The following FSHR variants were observed in gnomAD, a reference collection of about 807,000 sequenced individuals.
The protein encoded by FSHR is follicle-stimulating hormone receptor.
FSHR carries 46 observed loss-of-function variants against 52.1 expected under a neutral mutation model. The observed-to-expected ratio is 0.88, with a 90% CI of 0.70 to 1.13. FSHR has a LOEUF of 1.13. FSHR is among the 50% of genes most tolerant of loss of function. FSHR has a pLI of 0.00. For synonymous variants in FSHR, 399 were observed against 309.6 expected (o/e 1.29, Z -3.03); for missense variants, 964 against 834.6 (o/e 1.16, Z -1.91).
At chr2:49,129,965 C>A (rs982903248) in intron 1 of FSHR, among the ~76,000 whole-genome samples, 1 of 152,068 alleles carries the variant, frequency 6.6e-6, no homozygotes, top group Admixed American at 6.6e-5. Context: ...TCTCAATTTC[C>A]TTAACATGTT....
intron 1 of FSHR, among the ~76,000 whole-genome samples, chr2:49,083,310 C>T (rs1016743823): frequency 6.7e-6 from 1 of 148,782 alleles, no homozygotes; most frequent in African/African-American, 2.5e-5. Flanking sequence ...GATTTTGTCA[C>T]CACCAGGCCT....
At chr2:49,075,129 T>C (rs1669900091) in intron 1 of FSHR, among the ~76,000 whole-genome samples, 2 of 152,206 alleles carry the variant, frequency 1.3e-5, no homozygotes, top group South Asian at 4.1e-4. Flanking sequence ...TCTATATCAC[T>C]GTAGGATGAC....
chr2:49,137,122 T>TA (rs1434366057), intron 1 of FSHR, among the ~76,000 whole-genome samples: 1 of 152,180 alleles, frequency 6.6e-6, no homozygotes, highest in Non-Finnish European at 1.5e-5. Context: ...TGGAATCCAC[T>TA]AAAAAATTAT....
At chr2:49,103,985 T>TTTA (rs879696775) in intron 1 of FSHR, among the ~76,000 whole-genome samples, 1 of 151,818 alleles carries the variant, frequency 6.6e-6, no homozygotes, top group East Asian at 1.9e-4. Context: ...TTTTTTTTTT[T>TTTA]ATCCTCTAAA....
intron 2 of FSHR, among the ~76,000 whole-genome samples, chr2:49,063,911 A>G (rs567789485): frequency 6.6e-6 from 1 of 152,288 alleles, no homozygotes; most frequent in South Asian, 2.1e-4. Context: ...CAATGTATAT[A>G]TGTATCAAAA....
At chr2:48,991,595 G>A (rs1024652924) in intron 4 of FSHR, among the ~76,000 whole-genome samples, 1 of 152,172 alleles carries the variant, frequency 6.6e-6, no homozygotes, top group Non-Finnish European at 1.5e-5. Context: ...TGCCCAAGAA[G>A]CCCCAGAGTA....
intron 1 of FSHR, among the ~76,000 whole-genome samples, chr2:49,137,948 T>C (rs776199932): frequency 2.6e-5 from 4 of 152,152 alleles, no homozygotes; most frequent in Non-Finnish European, 4.4e-5. Context: ...AAAAATACTT[T>C]GAATGTTATC....
chr2:48,965,273 G>C (rs1573014995), intron 9 of FSHR, among the ~76,000 whole-genome samples: 2 of 152,224 alleles, frequency 1.3e-5, no homozygotes, highest in Admixed American at 1.3e-4. Context: ...GGATGAGAAG[G>C]GTCTGTTAGG....
chr2:49,003,514 T>C (rs923007151), intron 4 of FSHR, among the ~76,000 whole-genome samples: 3 of 152,116 alleles, frequency 2.0e-5, no homozygotes, highest in South Asian at 4.1e-4. Flanking sequence ...AATCAAGAGT[T>C]TGGGGGCAGC....
chr2:49,004,812 G>A (rs1423574250), intron 4 of FSHR, among the ~76,000 whole-genome samples: 1 of 152,076 alleles, frequency 6.6e-6, no homozygotes, highest in Non-Finnish European at 1.5e-5. Context: ...GATTTCTGGT[G>A]ATGAAAGACA....
At chr2:49,114,471 GAGA>G (rs1671530860) in intron 1 of FSHR, among the ~76,000 whole-genome samples, 1 of 152,148 alleles carries the variant, frequency 6.6e-6, no homozygotes, top group Non-Finnish European at 1.5e-5. Flanking sequence ...AAGAATGAAT[GAGA>G]AGGTTTTCAC....
At chr2:49,127,769 C>A (rs1291361522) in intron 1 of FSHR, among the ~76,000 whole-genome samples, 6 of 36,472 alleles carry the variant, frequency 1.6e-4, no homozygotes, top group African/African-American at 2.5e-4. Context: ...TCTTCTTCTT[C>A]TTCTTCTTCT....
chr2:49,074,308 A>G (rs1357686017), intron 1 of FSHR, among the ~76,000 whole-genome samples: 1 of 152,130 alleles, frequency 6.6e-6, no homozygotes, highest in African/African-American at 2.4e-5. Flanking sequence ...ATTAACTCAA[A>G]CATCTCAACA....
At chr2:49,038,964 T>C (rs1048236835) in intron 2 of FSHR, among the ~76,000 whole-genome samples, 1 of 152,192 alleles carries the variant, frequency 6.6e-6, no homozygotes, top group African/African-American at 2.4e-5. Context: ...GGAAAGATTT[T>C]ATTGTACGTG....
chr2:48,978,453 A>G (rs1675090678), intron 8 of FSHR, among the ~76,000 whole-genome samples: 1 of 152,260 alleles, frequency 6.6e-6, no homozygotes, highest in Non-Finnish European at 1.5e-5. Flanking sequence ...TTATACAAAT[A>G]ACTCAGTGTT....
intron 1 of FSHR, among the ~76,000 whole-genome samples, chr2:49,093,543 G>C (rs995813709): frequency 4.6e-5 from 7 of 150,926 alleles, no homozygotes; most frequent in African/African-American, 1.5e-4. Context: ...GCATGGCATA[G>C]TCTCTCTTTT....
intron 1 of FSHR, among the ~76,000 whole-genome samples, chr2:49,071,731 G>T (rs1463509628): frequency 1.3e-5 from 2 of 152,180 alleles, no homozygotes; most frequent in African/African-American, 4.8e-5. Context: ...ATCTGCTTCT[G>T]GTGAGGGCCT....
intron 2 of FSHR, among the ~76,000 whole-genome samples, chr2:49,067,028 G>A (rs954224031): frequency 1.3e-5 from 2 of 152,044 alleles, no homozygotes; most frequent in African/African-American, 4.8e-5. Flanking sequence ...CCTCAATGAG[G>A]TAAACCCGGA....
At position 49,106,774 on chromosome 2, in the gene FSHR, C is replaced by G. The variant is rs1272634590; in HGVS notation, c.153-38484G>C. On this transcript the variant is annotated intron_variant, in intron 1 of 9. Coordinates refer to ENST00000406846, the MANE Select transcript of FSHR (RefSeq NM_000145.4). Reference sequence around the variant, plus strand: ...GCTTGCCTGATGGTTGTGGTTCCCTCTAATCCAGAGCTTCCTAACCCCTGT... The same window carrying G: ...GCTTGCCTGATGGTTGTGGTTCCCTGTAATCCAGAGCTTCCTAACCCCTGT... 3.3e-5 allele frequency among the ~76,000 whole-genome samples: 5 copies of G among 152,216 alleles called. No individual in the cohort carries two copies. In the East Asian group the frequency reaches 9.7e-4, roughly 30 times the overall value.
Sources: gnomAD v4.1 joint callset for allele counts (sites outside exome capture counted in the v4.1 genomes callset) on GRCh38, gnomAD v4.1.1 for gene constraint, MANE v1.5 for transcripts, NCBI Gene and HGNC (gene_info 2026-07-23, HGNC 2026-07-21) for gene names.